Variants in NBEA observed in about 807,000 individuals in gnomAD.
NBEA encodes the protein lysosomal-trafficking regulator 2.
NBEA carries 44 observed loss-of-function variants against 343.4 expected under a neutral mutation model. The ratio of observed to expected loss-of-function variants is 0.13; its 90% CI spans 0.10 to 0.16. The LOEUF is 0.16. Ranked by LOEUF, NBEA falls within the 10% of genes least tolerant of loss-of-function variation. NBEA has a pLI of 1.00. For synonymous variants in NBEA, 1,175 were observed against 1,238.7 expected, an observed-to-expected ratio of 0.95 and a Z score of 1.08; for missense variants, 2,555 against 3,631.3, an observed-to-expected ratio of 0.70 and a Z score of 7.62.
At chr13:34,954,011 C>A (rs1268023674) in intron 1 of NBEA, among the ~76,000 whole-genome samples, 1 of 152,232 alleles carries the variant, frequency 6.6e-6, no homozygotes, top group Non-Finnish European at 1.5e-5. Flanking sequence ...ACCATTCCCC[C>A]TGAACCCCCC....
intron 24 of NBEA, among the ~76,000 whole-genome samples, chr13:35,166,406 G>A (rs1399103343): frequency 6.6e-6 from 1 of 152,106 alleles, no homozygotes; most frequent in Non-Finnish European, 1.5e-5. Flanking sequence ...ACGCTTTGAG[G>A]TTGGCTTCCA....
chr13:35,617,198 T>C (rs1338959408), intron 48 of NBEA, among the ~76,000 whole-genome samples: 1 of 152,240 alleles, frequency 6.6e-6, no homozygotes, highest in Non-Finnish European at 1.5e-5. Context: ...CACTGCAGTT[T>C]CCCTATGTTC....
chr13:35,520,124 G>T (rs143413846), intron 41 of NBEA, among the ~76,000 whole-genome samples: 4 of 152,240 alleles, frequency 2.6e-5, no homozygotes, highest in African/African-American at 9.6e-5. Context: ...ATCCAACCTA[G>T]ATCCCTCACA....
At chr13:35,521,157 A>C (rs1391352821) in intron 41 of NBEA, among the ~76,000 whole-genome samples, 1 of 151,830 alleles carries the variant, frequency 6.6e-6, no homozygotes, top group African/African-American at 2.4e-5. Flanking sequence ...ATTAGATATT[A>C]ATTTTATTAA....
intron 1 of NBEA, among the ~76,000 whole-genome samples, chr13:35,029,884 A>T (rs1357953763): frequency 6.6e-6 from 1 of 151,692 alleles, no homozygotes; most frequent in Non-Finnish European, 1.5e-5. Flanking sequence ...TTTATTTTAC[A>T]CAAATTCACT....
chr13:35,586,762 A>G (rs370694414), intron 46 of NBEA, among the ~76,000 whole-genome samples: 2 of 152,150 alleles, frequency 1.3e-5, no homozygotes, highest in Non-Finnish European at 2.9e-5. Flanking sequence ...GAGCATCTTT[A>G]GTTTCTGGGT....
At chr13:35,527,258 A>T (rs1294124597) in intron 41 of NBEA, among the ~76,000 whole-genome samples, 1 of 152,104 alleles carries the variant, frequency 6.6e-6, no homozygotes, top group Non-Finnish European at 1.5e-5. Flanking sequence ...TGGAAAATGC[A>T]CCATCTGATC....
intron 33 of NBEA, among the ~76,000 whole-genome samples, chr13:35,226,632 T>A (rs943778884): frequency 1.3e-5 from 2 of 152,016 alleles, no homozygotes; most frequent in African/African-American, 4.8e-5. Flanking sequence ...ATAGTTAAAT[T>A]TTGTGTCATT....
chr13:35,164,610 A>C, intron 24 of NBEA, 101 bp downstream of exon 24: 1 of 1,243,404 alleles, frequency 8.0e-7, no homozygotes. Flanking sequence ...CCAGACCTGT[A>C]CTTTTTAGGC....
At chr13:35,298,187 A>ATGTG (rs1216541038) in intron 35 of NBEA, among the ~76,000 whole-genome samples, 88 of 115,150 alleles carry the variant, frequency 7.6e-4, no homozygotes, top group African/African-American at 1.9e-3. Flanking sequence ...GTGTGTGTGT[A>ATGTG]TGTGTGTGTG....
At chr13:35,124,497 T>TATAC (rs1555311030) in intron 17 of NBEA, among the ~76,000 whole-genome samples, 1 of 146,156 alleles carries the variant, frequency 6.8e-6, no homozygotes, top group East Asian at 2.0e-4. Context: ...TGTGTGTGTA[T>TATAC]ACACACACAC....
intron 10 of NBEA, among the ~76,000 whole-genome samples, chr13:35,086,909 A>T (rs780713289): frequency 1.1e-4 from 17 of 151,524 alleles, no homozygotes; most frequent in Admixed American, 7.3e-4. Flanking sequence ...CATGTTGAAT[A>T]TTTTTTCATA....
intron 24 of NBEA, among the ~76,000 whole-genome samples, chr13:35,165,285 A>G (rs1365649936): frequency 6.6e-6 from 1 of 152,162 alleles, no homozygotes; most frequent in East Asian, 1.9e-4. Flanking sequence ...TGTTAATGCC[A>G]CCACCATCAC....
chr13:35,020,578 G>T (rs958400456), intron 1 of NBEA, among the ~76,000 whole-genome samples: 5 of 152,118 alleles, frequency 3.3e-5, no homozygotes, highest in Non-Finnish European at 7.4e-5. Context: ...GAGGGCGGTG[G>T]CACGATCTTG....
At chr13:35,022,769 A>G (rs963077948) in intron 1 of NBEA, among the ~76,000 whole-genome samples, 1 of 152,130 alleles carries the variant, frequency 6.6e-6, no homozygotes, top group African/African-American at 2.4e-5. Context: ...TATTTAATGT[A>G]TGCCAACCTC....
intron 11 of NBEA, among the ~76,000 whole-genome samples, chr13:35,104,297 A>T (rs1211878087): frequency 3.3e-5 from 5 of 151,934 alleles, no homozygotes; most frequent in Non-Finnish European, 7.4e-5. Context: ...ATCAGTGTTT[A>T]CCTATGCTGC....
chr13:35,398,288 T>G (rs2042838014), intron 38 of NBEA, among the ~76,000 whole-genome samples: 1 of 152,174 alleles, frequency 6.6e-6, no homozygotes, highest in Non-Finnish European at 1.5e-5. Flanking sequence ...AAGTCATCCA[T>G]GAAGGTTGAA....
At chr13:35,517,301 C>T (rs1428447740) in intron 41 of NBEA, among the ~76,000 whole-genome samples, 2 of 152,240 alleles carry the variant, frequency 1.3e-5, no homozygotes, top group East Asian at 3.9e-4. Context: ...GATCTAATTC[C>T]TTTTCGTGCT....
intron 48 of NBEA, among the ~76,000 whole-genome samples, chr13:35,625,693 T>G (rs376545018): frequency 1.3e-5 from 2 of 152,004 alleles, no homozygotes; most frequent in East Asian, 1.9e-4. Flanking sequence ...AGTGTTTAAA[T>G]GGGTAAGGGA....
Sources: gnomAD v4.1 joint callset for allele counts (sites outside exome capture counted in the v4.1 genomes callset) on GRCh38, gnomAD v4.1.1 for gene constraint, MANE v1.5 for transcripts, NCBI Gene and HGNC (gene_info 2026-07-23, HGNC 2026-07-21) for gene names.